Variants in GRHL1 observed in about 807,000 individuals in gnomAD.
GRHL1 encodes grainyhead-like protein 1 homolog.
Under a neutral mutation model 75.7 loss-of-function variants are expected in GRHL1, and 38 were observed. The observed-to-expected ratio is 0.50, with a 90% CI of 0.39 to 0.66. The LOEUF (loss-of-function observed/expected upper bound fraction) is 0.66. GRHL1 is among the 30% of genes least tolerant of loss of function. GRHL1 has a pLI of 0.00. For synonymous variants in GRHL1, 266 were observed against 279.4 expected, an observed-to-expected ratio of 0.95 and a Z score of 0.48; for missense variants, 589 against 767.5, an observed-to-expected ratio of 0.77 and a Z score of 2.75.
intron 8 of GRHL1, among the ~76,000 whole-genome samples, chr2:9,978,241 C>T (rs2125227824): frequency 6.6e-6 from 1 of 152,282 alleles, no homozygotes; most frequent in East Asian, 1.9e-4. Context: ...CTTAGTCCAA[C>T]TTGGTAAGTG....
Position 9,961,153 on chromosome 2 carries a change from A to T in GRHL1, c.386A>T (p.Gln129Leu). 1.9e-6 allele frequency: 3 copies of T among 1,613,654 alleles called. No individual in the cohort carries two copies. Among genetic ancestry groups the T allele is most frequent in the Non-Finnish European group, 1.7e-6 (2 of 1,179,686 alleles). The change falls in exon 4 of 16, where the codon CAG becomes CTG. Residue 129 changes from glutamine to leucine, a missense_variant. By Grantham distance (113) the Gln-to-Leu change is moderately radical. Coordinates refer to ENST00000324907, the MANE Select transcript of GRHL1 (RefSeq NM_198182.3). ...AACATTGTCCTTCCCCATGGCAACC[A>T]GCTGGGCATTGATAAGAGAGGCCAT... Reference protein sequence around the residue: ...PFNIVLPHGNQLGIDKRGHLT... With the variant: ...PFNIVLPHGNLLGIDKRGHLT...
intron 3 of GRHL1, 94 bp downstream of exon 3, chr2:9,958,950 T>TAGTGAAAGA (rs1667153925): frequency 3.9e-6 from 6 of 1,526,602 alleles, no homozygotes; most frequent in African/African-American, 1.4e-5. Flanking sequence ...GAACAACCAC[T>TAGTGAAAGA]AGTGAAAGAG....
intron 8 of GRHL1, among the ~76,000 whole-genome samples, chr2:9,981,010 C>T (rs575846120): frequency 1.3e-5 from 2 of 152,344 alleles, no homozygotes; most frequent in Admixed American, 6.5e-5. Context: ...CTTGCTCACT[C>T]GGGGCTGCCC....
chr2:9,964,206 T>G (rs775039236), intron 6 of GRHL1, 29 bp from the exon 7 acceptor site: 1 of 1,419,054 alleles, frequency 7.0e-7, no homozygotes, highest in Admixed American at 1.8e-5. Flanking sequence ...CTTTAGTGTC[T>G]TTATGTTGTA....
At chr2:9,958,511 AC>A (rs1338891019) in intron 2 of GRHL1, among the ~76,000 whole-genome samples, 1 of 151,374 alleles carries the variant, frequency 6.6e-6, no homozygotes, top group Non-Finnish European at 1.5e-5. Flanking sequence ...AAGAGATGAG[AC>A]CCAAACTCCA....
intron 7 of GRHL1, 155 bp from the exon 8 acceptor site, chr2:9,965,132 T>G: frequency 1.9e-6 from 1 of 537,572 alleles, no homozygotes; most frequent in Non-Finnish European, 3.3e-6. Context: ...ATTCTTTTTC[T>G]TCGTATTTTG....
At position 10,000,830 on chromosome 2, in the gene GRHL1, T is replaced by C; in HGVS notation, c.*123T>C. ...CACAGGTCTATGTCGAGGGAATGGGTTCCTTGCAGGTTGGAGGCGGGGCTG... is the reference window on the plus strand; with the variant it reads ...CACAGGTCTATGTCGAGGGAATGGGCTCCTTGCAGGTTGGAGGCGGGGCTG... On this transcript the variant is annotated 3_prime_UTR_variant, in exon 16 of 16. Coordinates refer to ENST00000324907, the MANE Select transcript of GRHL1 (RefSeq NM_198182.3). 2 of 567,864 alleles carry C rather than the reference T, an allele frequency of 3.5e-6. No individual in the cohort carries two copies. Among genetic ancestry groups the C allele is most frequent in the East Asian group, 5.7e-5 (2 of 34,818 alleles). 35.2% of individuals were successfully genotyped at this position (567,864 alleles called of 1,614,324 possible).
chr2:9,973,783 T>G (rs182503260), intron 8 of GRHL1, among the ~76,000 whole-genome samples: 6 of 152,316 alleles, frequency 3.9e-5, no homozygotes, highest in East Asian at 1.9e-4. Flanking sequence ...GGAATTTGAC[T>G]AAGTTGAATT....
At chr2:9,994,577 G>A (rs995800186) in intron 12 of GRHL1, among the ~76,000 whole-genome samples, 2 of 152,002 alleles carry the variant, frequency 1.3e-5, no homozygotes, top group African/African-American at 2.4e-5. Context: ...TGAAGGCGAG[G>A]CCTGCACTGC....
intron 8 of GRHL1, among the ~76,000 whole-genome samples, chr2:9,970,912 C>T (rs1667697490): frequency 6.6e-6 from 1 of 152,120 alleles, no homozygotes; most frequent in Non-Finnish European, 1.5e-5. Context: ...GAAGCTTTTC[C>T]ATGAGGGAGC....
Position 9,951,979 on chromosome 2 carries a change from C to A in GRHL1, c.20+126C>A. 2.9e-6 allele frequency: 1 copy of A among 345,334 alleles called. No homozygotes were observed. The highest frequency in any genetic ancestry group is 4.1e-6 in the Non-Finnish European group (1 of 241,244). 21.4% of individuals were successfully genotyped at this position (345,334 alleles called of 1,614,324 possible). ...GCGGGCGCGGGGCGCGAGCCGGGGGCCGCTGTCCACTCCACGCCGCCACGG... is the reference window on the plus strand; with the variant it reads ...GCGGGCGCGGGGCGCGAGCCGGGGGACGCTGTCCACTCCACGCCGCCACGG... On this transcript the variant is annotated intron_variant, in intron 1 of 15. Coordinates refer to ENST00000324907, the MANE Select transcript of GRHL1 (RefSeq NM_198182.3). This position sits in a 1 kb window ranked among gnomAD's most constrained non-coding sequence, Gnocchi z 4.2.
chr2:9,962,194 A>G (rs1395501367), intron 4 of GRHL1, among the ~76,000 whole-genome samples: 2 of 152,190 alleles, frequency 1.3e-5, no homozygotes, highest in African/African-American at 4.8e-5. Flanking sequence ...GAAAGACAGA[A>G]AAGGGGGTCG....
chr2:9,990,068 CT>C lies in GRHL1; in HGVS notation c.1270-626del, dbSNP rs771184434. Reference sequence around the variant, plus strand: ...TCCTACTGGACAAAGGGAAAATACCCTTGTGTCTTTGCAGGCATGTGGTATA... The same window carrying C: ...TCCTACTGGACAAAGGGAAAATACCCTGTGTCTTTGCAGGCATGTGGTATA... On this transcript the variant is annotated intron_variant, in intron 9 of 15. Coordinates refer to ENST00000324907, the MANE Select transcript of GRHL1 (RefSeq NM_198182.3). This position sits in a 1 kb window ranked among gnomAD's most constrained non-coding sequence, Gnocchi z 4.2. Among the ~76,000 whole-genome samples, 2 of 152,044 alleles carry C rather than the reference CT, an allele frequency of 1.3e-5. No individual in the cohort carries two copies. Among genetic ancestry groups the C allele is most frequent in the Non-Finnish European group, 2.9e-5 (2 of 68,004 alleles).
rs756485283 is a variant in GRHL1, at chr2:9,954,939, G to A, written c.45G>A (p.Gln15=). Residue 15 remains glutamine (Q), a synonymous_variant, in exon 2 of 16, where the codon CAG becomes CAA. Transcript: ENST00000324907. ...GCAAACGGCCAGTGTTGGTTCTTCAGAATGAAGCACTTTATCCACAGCGGC... is the reference window on the plus strand; with the variant it reads ...GCAAACGGCCAGTGTTGGTTCTTCAAAATGAAGCACTTTATCCACAGCGGC... The part of the protein sequence containing the change: ...YDNKRPVLVL[Q]NEALYPQRRS... The A allele has an allele frequency of 2.5e-6, 4 of 1,613,594 alleles. No homozygotes were observed. Among genetic ancestry groups the A allele is most frequent in the Non-Finnish European group, 2.5e-6 (3 of 1,179,604 alleles).
At chr2:9,976,798 C>G (rs977492853) in intron 8 of GRHL1, among the ~76,000 whole-genome samples, 22 of 152,092 alleles carry the variant, frequency 1.4e-4, no homozygotes, top group Admixed American at 2.0e-4. Flanking sequence ...GGTGAAGCAA[C>G]TTTTGCCTTT....
intron 14 of GRHL1, among the ~76,000 whole-genome samples, chr2:9,998,640 G>A (rs1188636373): frequency 2.4e-5 from 1 of 41,964 alleles, no homozygotes; most frequent in Non-Finnish European, 4.0e-5. Flanking sequence ...ACATATATAT[G>A]TACACATATA....
chr2:9,961,213 T>A lies in GRHL1; in HGVS notation c.446T>A (p.Ile149Lys). 6 of 1,614,112 alleles carry A rather than the reference T, an allele frequency of 3.7e-6. No individual in the cohort carries two copies. Among genetic ancestry groups the A allele is most frequent in the Non-Finnish European group, 5.1e-6 (6 of 1,179,998 alleles). The part of the protein sequence containing the change: ...TAPDTTVTVS[I>K]ATMPTHSIKT... Reference sequence around the variant, plus strand: ...CCAGATACGACAGTCACTGTCTCCATAGCAACGATGCCTACCCACTCCATC... The same window carrying A: ...CCAGATACGACAGTCACTGTCTCCAAAGCAACGATGCCTACCCACTCCATC... Residue 149 changes from isoleucine to lysine, a missense_variant, in exon 4 of 16, where the codon ATA becomes AAA. By Grantham distance (102) the Ile-to-Lys change is moderately radical. Coordinates refer to ENST00000324907, the MANE Select transcript of GRHL1 (RefSeq NM_198182.3).
At chr2:9,996,894 C>A (rs940344813) in intron 14 of GRHL1, among the ~76,000 whole-genome samples, 2 of 152,122 alleles carry the variant, frequency 1.3e-5, no homozygotes, top group Admixed American at 6.5e-5. Flanking sequence ...GATCTCAGCA[C>A]GAGGCTGGAA....
chr2:9,979,960 AC>A (rs1212951804), intron 8 of GRHL1, among the ~76,000 whole-genome samples: 6 of 152,220 alleles, frequency 3.9e-5, no homozygotes, highest in African/African-American at 1.4e-4. Flanking sequence ...GTTAAAGTTC[AC>A]GTTCCTGACT....
Sources: allele counts gnomAD v4.1 joint callset (sites outside exome capture counted in the v4.1 genomes callset), GRCh38; gene constraint gnomAD v4.1.1; non-coding constraint Gnocchi (gnomAD v3.1); transcripts MANE v1.5; gene names NCBI Gene and HGNC (gene_info 2026-07-23, HGNC 2026-07-21).